Variants in GPC5 observed in about 807,000 individuals in gnomAD.
The protein encoded by GPC5 is glypican-5.
A neutral mutation model predicts 53.9 loss-of-function variants in GPC5; 47 were observed. The observed-to-expected ratio is 0.87, with a 90% CI of 0.69 to 1.11. The LOEUF is 1.11. Ranked by LOEUF, GPC5 falls within the 50% of genes most tolerant of loss-of-function variation. The pLI, the probability that GPC5 is intolerant of heterozygous loss-of-function variation, is 0.00. For missense variants in GPC5, 748 were observed against 713.1 expected (o/e 1.05, Z -0.56); for synonymous variants, 286 against 263.3 (o/e 1.09, Z -0.84).
intron 7 of GPC5, among the ~76,000 whole-genome samples, chr13:92,319,410 T>TAAAAAAAAAAAAAAAAA (rs67635557): frequency 9.2e-6 from 1 of 108,770 alleles, no homozygotes; most frequent in Non-Finnish European, 2.0e-5. Flanking sequence ...TCTCTGAAAC[T>TAAAAAAAAAAAAAAAAA]AAAAAAAAAA....
intron 7 of GPC5, among the ~76,000 whole-genome samples, chr13:92,243,253 C>G (rs1163114938): frequency 6.6e-6 from 1 of 152,126 alleles, no homozygotes; most frequent in Non-Finnish European, 1.5e-5. Context: ...GAACCCTTTC[C>G]CTTCTGTTTG....
chr13:91,452,176 G>T (rs1294450908), intron 2 of GPC5, among the ~76,000 whole-genome samples: 4 of 151,836 alleles, frequency 2.6e-5, no homozygotes, highest in Non-Finnish European at 5.9e-5. Context: ...TAGAGATAGG[G>T]TTTTGCCCTG....
intron 2 of GPC5, among the ~76,000 whole-genome samples, chr13:91,482,516 C>T (rs922418305): frequency 4.6e-5 from 7 of 152,290 alleles, no homozygotes; most frequent in Admixed American, 1.3e-4. Flanking sequence ...ATCTAGCAAC[C>T]ATCATTTAGG....
chr13:92,599,217 G>A (rs1482072711), intron 7 of GPC5, among the ~76,000 whole-genome samples: 2 of 152,112 alleles, frequency 1.3e-5, no homozygotes, highest in East Asian at 3.9e-4. Flanking sequence ...CAGACTTATA[G>A]GCAGATGATT....
chr13:92,679,179 T>C (rs920998994), intron 7 of GPC5, among the ~76,000 whole-genome samples: 5 of 152,190 alleles, frequency 3.3e-5, no homozygotes, highest in African/African-American at 9.7e-5. Flanking sequence ...TCATTTTAGT[T>C]TAGTGTATTT....
intron 5 of GPC5, among the ~76,000 whole-genome samples, chr13:91,835,960 CT>C (rs2038719353): frequency 6.6e-6 from 1 of 152,010 alleles, no homozygotes; most frequent in Non-Finnish European, 1.5e-5. Context: ...AGATCTAGAA[CT>C]TTACAGTTCT....
chr13:91,834,856 A>G (rs1028492447), intron 5 of GPC5, among the ~76,000 whole-genome samples: 12 of 152,210 alleles, frequency 7.9e-5, no homozygotes, highest in African/African-American at 2.9e-4. Context: ...CATAACTAAA[A>G]CACCAAAAGC....
intron 7 of GPC5, among the ~76,000 whole-genome samples, chr13:92,617,841 CT>C (rs1288919699): frequency 6.6e-6 from 1 of 151,966 alleles, no homozygotes; most frequent in Admixed American, 6.6e-5. Context: ...CTTTTTTCTT[CT>C]TTTTTTATTA....
At chr13:92,033,039 G>A (rs2040865844) in intron 6 of GPC5, among the ~76,000 whole-genome samples, 2 of 59,302 alleles carry the variant, frequency 3.4e-5, no homozygotes, top group East Asian at 1.1e-3. Flanking sequence ...TTATTGTCGT[G>A]TGTGTGTGTG....
intron 1 of GPC5, among the ~76,000 whole-genome samples, chr13:91,436,872 T>C (rs1031172304): frequency 1.3e-5 from 2 of 152,238 alleles, no homozygotes; most frequent in African/African-American, 4.8e-5. Context: ...TGGGTGCTCC[T>C]GTATTGGGTG....
chr13:92,529,094 CT>C (rs1881463700), intron 7 of GPC5, among the ~76,000 whole-genome samples: 5 of 152,166 alleles, frequency 3.3e-5, no homozygotes, highest in Admixed American at 3.3e-4. Context: ...CTGAATCTTG[CT>C]TTTTAGAATA....
intron 7 of GPC5, among the ~76,000 whole-genome samples, chr13:92,171,924 C>A (rs1163578500): frequency 6.6e-6 from 1 of 152,214 alleles, no homozygotes; most frequent in Non-Finnish European, 1.5e-5. Flanking sequence ...CCCAAGAGAG[C>A]TTCCTTGTAC....
intron 7 of GPC5, among the ~76,000 whole-genome samples, chr13:92,676,301 T>A (rs1359020382): frequency 6.6e-6 from 1 of 152,162 alleles, no homozygotes; most frequent in Non-Finnish European, 1.5e-5. Flanking sequence ...CCTGCAGACA[T>A]AATTCATAGA....
At chr13:91,825,105 CAG>C (rs937373917) in intron 5 of GPC5, among the ~76,000 whole-genome samples, 47 of 144,696 alleles carry the variant, frequency 3.2e-4, no homozygotes, top group African/African-American at 4.3e-4. Flanking sequence ...ATTTGTTTTC[CAG>C]AGAGAGAGAG....
At chr13:91,670,463 G>A (rs991757035) in intron 2 of GPC5, among the ~76,000 whole-genome samples, 1 of 152,176 alleles carries the variant, frequency 6.6e-6, no homozygotes, top group Admixed American at 6.5e-5. Flanking sequence ...TGTGGGATTA[G>A]GCAGGTCTGG....
intron 7 of GPC5, among the ~76,000 whole-genome samples, chr13:92,320,952 T>G (rs1293835716): frequency 1.3e-5 from 2 of 152,214 alleles, no homozygotes; most frequent in Non-Finnish European, 2.9e-5. Flanking sequence ...TCCCTGGTAT[T>G]TTATTAAATT....
At chr13:91,651,894 C>T (rs2034720138) in intron 2 of GPC5, among the ~76,000 whole-genome samples, 1 of 152,064 alleles carries the variant, frequency 6.6e-6, no homozygotes, top group Non-Finnish European at 1.5e-5. Context: ...GCTTGTTGGA[C>T]AATGAATTAA....
Position 92,694,935 on chromosome 13 carries a change from G to A in GPC5, c.1562-171347G>A, listed in dbSNP as rs976228516. Among the ~76,000 whole-genome samples the A allele has an allele frequency of 4.6e-5, 7 of 152,268 alleles. No individual in the cohort carries two copies. In the East Asian group the frequency reaches 5.8e-4, roughly 13 times the overall value. ...AGGGAGGTGATTAGATCGGTGTAGG[G>A]TGGGGTCCCCCATGTTGTTCTTGTG... On this transcript the variant is annotated intron_variant, in intron 7 of 7. Coordinates refer to ENST00000377067, the MANE Select transcript of GPC5 (RefSeq NM_004466.6).
intron 7 of GPC5, among the ~76,000 whole-genome samples, chr13:92,272,633 T>C (rs2042848271): frequency 6.6e-6 from 1 of 152,042 alleles, no homozygotes; most frequent in Admixed American, 6.6e-5. Flanking sequence ...TAATGAAAAG[T>C]TCAACCCGGG....
Sources: allele counts gnomAD v4.1 joint callset (sites outside exome capture counted in the v4.1 genomes callset), GRCh38; gene constraint gnomAD v4.1.1; transcripts MANE v1.5; gene names NCBI Gene and HGNC (gene_info 2026-07-23, HGNC 2026-07-21).